The following CCDC40 variants were observed in gnomAD, a reference collection of about 807,000 sequenced individuals.
CCDC40 encodes the protein coiled-coil domain-containing protein 40.
Under a neutral mutation model 124.5 loss-of-function variants are expected in CCDC40, and 104 were observed. The observed-to-expected ratio is 0.84, with a 90% CI of 0.71 to 0.98. CCDC40 has a LOEUF of 0.98. Among genes scored for constraint, CCDC40 ranks in the 50% least tolerant of loss-of-function variants. The probability of loss-of-function intolerance (pLI) is 0.00; values close to 1 mark genes in which losing one functional copy is unlikely to be tolerated. For synonymous variants in CCDC40, 580 were observed against 602.9 expected, an observed-to-expected ratio of 0.96 and a Z score of 0.56; for missense variants, 1,463 against 1,503.9, an observed-to-expected ratio of 0.97 and a Z score of 0.45.
chr17:80,060,530 G>A lies in CCDC40; in HGVS notation c.1440+1550G>A, dbSNP rs2037870917. ...AGAACAACAACACTTTATTCTCAAC[G>A]AATTGATTTTAAAGTTCACTTAGAA... On this transcript the variant is annotated intron_variant, in intron 9 of 19. Coordinates refer to ENST00000397545, the MANE Select transcript of CCDC40 (RefSeq NM_017950.4). Among the ~76,000 whole-genome samples, 3 of 151,086 alleles carry A rather than the reference G, an allele frequency of 2.0e-5. No homozygotes were observed. In the South Asian group the frequency reaches 6.3e-4, roughly 32 times the overall value.
intron 10 of CCDC40, among the ~76,000 whole-genome samples, chr17:80,071,450 C>T (rs1315334452): frequency 6.6e-6 from 1 of 152,244 alleles, no homozygotes; most frequent in Admixed American, 6.5e-5. Flanking sequence ...CCACAGGCTG[C>T]TGGACACCTC....
intron 18 of CCDC40, 105 bp from the exon 19 acceptor site, chr17:80,097,140 A>T: frequency 8.1e-7 from 1 of 1,237,022 alleles, no homozygotes; most frequent in Non-Finnish European, 1.2e-6. Context: ...GCCTCCCTGG[A>T]TGGAGTGTGT....
At chr17:80,075,275 C>CTT (rs71163915) in intron 10 of CCDC40, among the ~76,000 whole-genome samples, 5 of 107,394 alleles carry the variant, frequency 4.7e-5, no homozygotes, top group East Asian at 2.6e-4. Flanking sequence ...CAAAATATTA[C>CTT]TTTTTTTTTT....
intron 12 of CCDC40, 56 bp from the exon 13 acceptor site, chr17:80,084,687 C>T (rs2038537077): frequency 5.0e-6 from 8 of 1,606,454 alleles, no homozygotes; most frequent in Middle Eastern, 1.7e-4. Flanking sequence ...TCAGCAAACT[C>T]GTCCCGGGCC....
rs570507479 is a variant in CCDC40, at chr17:80,047,922, C to T, written c.676+520C>T. On this transcript the variant is annotated intron_variant, in intron 4 of 19. Transcript: ENST00000397545. The stretch of plus-strand genomic sequence containing the variant: ...ATTCCCTGTGGTACCGACCTGCAGC[C>T]GGTCCAAACCTTTCATTACTTGCAA... Among the ~76,000 whole-genome samples the T allele has an allele frequency of 3.3e-5, 5 of 152,258 alleles. No individual in the cohort carries two copies. In the South Asian group the frequency reaches 6.2e-4, roughly 19 times the overall value.
chr17:80,047,485 T>A, intron 4 of CCDC40, 83 bp downstream of exon 4: 1 of 1,428,340 alleles, frequency 7.0e-7, no homozygotes, highest in Non-Finnish European at 9.6e-7. Context: ...GCCACTCGTT[T>A]GTCATCCGTT....
intron 10 of CCDC40, among the ~76,000 whole-genome samples, chr17:80,075,984 A>G (rs1598525338): frequency 6.6e-6 from 1 of 152,164 alleles, no homozygotes; most frequent in East Asian, 1.9e-4. Flanking sequence ...CATATGATCA[A>G]ACTTTAATGG....
In CCDC40 at chr17:80,081,984, C is replaced by T; in HGVS notation, c.1915C>T (p.His639Tyr). ...DAAIREKLQE[H>Y]MTSNKTTKYF... is the part of the protein sequence containing the mutation. Reference sequence around the variant, plus strand: ...TGCCATCCGGGAGAAGCTGCAGGAGCACATGACCTCCAACAAGACCACCAA... The same window carrying T: ...TGCCATCCGGGAGAAGCTGCAGGAGTACATGACCTCCAACAAGACCACCAA... The change falls in exon 12 of 20, where the codon CAC (histidine) becomes TAC (tyrosine). Residue 639 changes from histidine (H) to tyrosine (Y), a missense_variant. By Grantham distance (83) the His-to-Tyr change is moderately conservative. Transcript: ENST00000397545. 1 of 1,613,874 alleles carries T rather than the reference C, an allele frequency of 6.2e-7. No homozygotes were observed. Among genetic ancestry groups the T allele is most frequent in the Non-Finnish European group, 8.5e-7 (1 of 1,179,980 alleles).
At chr17:80,040,638 C>A in intron 3 of CCDC40, 1 of 253,186 alleles carries the variant, frequency 3.9e-6, no homozygotes, top group Non-Finnish European at 7.6e-6. Context: ...AAGATCCCAC[C>A]ATTGCACTAT....
Position 80,065,529 on chromosome 17 carries a change from C to G in CCDC40, c.1485C>G (p.Ile495Met), listed in dbSNP as rs771128827. Reference protein sequence around the residue: ...IDAISVEKRRIMQQWASSLVG... With the variant: ...IDAISVEKRRMMQQWASSLVG... ...CCATCAGCGTGGAGAAGAGGCGCATCATGCAGCAATGGGCCAGCAGCCTGG... is the reference window on the plus strand; with the variant it reads ...CCATCAGCGTGGAGAAGAGGCGCATGATGCAGCAATGGGCCAGCAGCCTGG... The change falls in exon 10 of 20, where the codon ATC (isoleucine) becomes ATG (methionine). Residue 495 changes from isoleucine (I) to methionine (M), a missense_variant. Transcript: ENST00000397545. 3.1e-6 allele frequency: 5 copies of G among 1,613,144 alleles called. No homozygotes were observed. In the Admixed American group the frequency reaches 6.7e-5, roughly 22 times the overall value.
At chr17:80,045,098 G>A (rs1298056492) in intron 3 of CCDC40, among the ~76,000 whole-genome samples, 1 of 152,192 alleles carries the variant, frequency 6.6e-6, no homozygotes, top group Non-Finnish European at 1.5e-5. Flanking sequence ...AACTTCCAGA[G>A]TCAACACCAT....
At chr17:80,052,098 C>G (rs2143625342) in intron 7 of CCDC40, among the ~76,000 whole-genome samples, 1 of 152,358 alleles carries the variant, frequency 6.6e-6, no homozygotes, top group South Asian at 2.1e-4. Context: ...TGGGTCCTGG[C>G]CCCTGGAGAA....
At chr17:80,065,959 C>T (rs534925968) in intron 10 of CCDC40, 3 of 624,500 alleles carry the variant, frequency 4.8e-6, no homozygotes, top group African/African-American at 3.7e-5. Context: ...CATCCCTTCT[C>T]GATTGTTCTG....
intron 3 of CCDC40, among the ~76,000 whole-genome samples, chr17:80,045,892 G>A (rs1007955429): frequency 1.3e-5 from 2 of 149,952 alleles, no homozygotes; most frequent in African/African-American, 4.9e-5. Flanking sequence ...ACTGCCTGTC[G>A]AAACTTGGAC....
intron 10 of CCDC40, among the ~76,000 whole-genome samples, chr17:80,070,850 T>C (rs1437395412): frequency 6.6e-6 from 1 of 152,224 alleles, no homozygotes; most frequent in East Asian, 1.9e-4. Flanking sequence ...CATGGTGTCC[T>C]GTCCCTTCTT....
rs145384097 is a variant in CCDC40 at position 80,043,425 on chromosome 17, G to A, written c.552+3155G>A. On this transcript the variant is annotated intron_variant, in intron 3 of 19. Transcript: ENST00000397545. ...TAGGGCCTGTGTGCGTGTACTGTACGTACTTCCCCCACATTTATACATACA... is the reference window on the plus strand; with the variant it reads ...TAGGGCCTGTGTGCGTGTACTGTACATACTTCCCCCACATTTATACATACA... Among the ~76,000 whole-genome samples, 677 of 152,114 alleles carry A rather than the reference G, an allele frequency of 4.5e-3. 1 individual carries two copies. The highest frequency in any genetic ancestry group is 5.6e-3 in the Non-Finnish European group (383 of 68,002).
intron 3 of CCDC40, among the ~76,000 whole-genome samples, chr17:80,042,890 A>G (rs1309857906): frequency 6.7e-6 from 1 of 149,934 alleles, no homozygotes; most frequent in Non-Finnish European, 1.5e-5. Flanking sequence ...ATAAAAGGGT[A>G]TTGGGTTTTG....
At chr17:80,047,487 T>G in intron 4 of CCDC40, 85 bp downstream of exon 4, 1 of 1,412,050 alleles carries the variant, frequency 7.1e-7, no homozygotes, top group Non-Finnish European at 9.8e-7. Flanking sequence ...CACTCGTTTG[T>G]CATCCGTTAC....
At chr17:80,046,375 A>G (rs930325652) in intron 3 of CCDC40, among the ~76,000 whole-genome samples, 2 of 151,984 alleles carry the variant, frequency 1.3e-5, no homozygotes, top group Non-Finnish European at 2.9e-5. Flanking sequence ...TAAGTAAAAT[A>G]TTAAAAAATT....
Sources: allele counts gnomAD v4.1 joint callset (sites outside exome capture counted in the v4.1 genomes callset), GRCh38; gene constraint gnomAD v4.1.1; transcripts MANE v1.5; gene names NCBI Gene and HGNC (gene_info 2026-07-23, HGNC 2026-07-21).